The following SLC9C2 variants were observed in gnomAD, a reference collection of about 807,000 sequenced individuals.
SLC9C2 encodes sodium/hydrogen exchanger 11.
In SLC9C2, 75 loss-of-function variants were observed where a neutral mutation model predicts 140.2. The ratio of observed to expected loss-of-function variants is 0.53; its 90% CI spans 0.44 to 0.65. The LOEUF (loss-of-function observed/expected upper bound fraction) is 0.65, where lower values mean the gene tolerates loss of function less well. Ranked by LOEUF, SLC9C2 falls within the 30% of genes least tolerant of loss-of-function variation. The pLI, the probability that SLC9C2 is intolerant of heterozygous loss-of-function variation, is 0.00. For synonymous variants in SLC9C2, 375 were observed against 420.9 expected, an observed-to-expected ratio of 0.89 and a Z score of 1.34; for missense variants, 1,074 against 1,331.8, an observed-to-expected ratio of 0.81 and a Z score of 3.01.
At chr1:173,508,674 G>T (rs144490237) in intron 24 of SLC9C2, among the ~76,000 whole-genome samples, 2 of 152,032 alleles carry the variant, frequency 1.3e-5, no homozygotes, top group African/African-American at 2.4e-5. Context: ...ATACCCAGTC[G>T]CTCAGTTCAG....
chr1:173,569,374 CCTTT>C (rs1165190065), intron 9 of SLC9C2, among the ~76,000 whole-genome samples: 1 of 151,780 alleles, frequency 6.6e-6, no homozygotes, highest in African/African-American at 2.4e-5. Flanking sequence ...CTTTTAGGGT[CCTTT>C]CTTTATCCGT....
rs1427254080 is a variant in SLC9C2 at position 173,534,572 on chromosome 1, C to T, written c.1886G>A (p.Trp629Ter). The stretch of plus-strand genomic sequence containing the variant: ...TACATTTAAACCTCTTGCCATTGGC[C>T]ACAGATGTATTATCATAGGATAAAT... ...IYIYPMIIHL[W>*]PMARGLNVSA... is the part of the protein sequence containing the mutation. The change falls in exon 16 of 28, where the codon TGG (tryptophan) becomes TAG (stop). Residue 629 changes from tryptophan to a stop codon, truncating the protein, a stop_gained. Coordinates refer to ENST00000367714, the MANE Select transcript of SLC9C2 (RefSeq NM_178527.4). LOFTEE classifies it high-confidence loss of function. 6.3e-7 allele frequency: 1 copy of T among 1,597,302 alleles called. No individual in the cohort carries two copies. The highest frequency in any genetic ancestry group is 8.5e-7 in the Non-Finnish European group (1 of 1,173,410).
chr1:173,504,989 G>A (rs1343498694), intron 26 of SLC9C2, among the ~76,000 whole-genome samples: 3 of 152,140 alleles, frequency 2.0e-5, no homozygotes, highest in South Asian at 2.1e-4. Context: ...AGAGTGCATT[G>A]CAGAAGCTGC....
In SLC9C2 at chr1:173,597,819, A is replaced by G. The variant is rs1444874613; in HGVS notation, c.357+85T>C. ...AATAAAATATGACATTTTGTGAATTATTAATCATCTATATAGGCAGCCATA... is the reference window on the plus strand; with the variant it reads ...AATAAAATATGACATTTTGTGAATTGTTAATCATCTATATAGGCAGCCATA... On this transcript the variant is annotated intron_variant, in intron 4 of 27. Transcript: ENST00000367714. 2.3e-6 allele frequency: 3 copies of G among 1,286,426 alleles called. No homozygotes were observed. In the East Asian group the frequency reaches 7.8e-5, roughly 33 times the overall value. The allele number at this position is 1,286,426 out of a possible 1,614,324, so 79.7% of individuals were successfully genotyped here. A position where few individuals can be genotyped will look rare whatever the true frequency, so the allele number is the denominator to read the frequency against.
At chr1:173,585,162 C>T (rs1487648251) in intron 5 of SLC9C2, among the ~76,000 whole-genome samples, 1 of 152,044 alleles carries the variant, frequency 6.6e-6, no homozygotes, top group African/African-American at 2.4e-5. Context: ...GTTATTTAAG[C>T]GCTTACACTC....
At chr1:173,597,732 T>C (rs1164369682) in intron 4 of SLC9C2, among the ~76,000 whole-genome samples, 172 bp downstream of exon 4, 1 of 152,148 alleles carries the variant, frequency 6.6e-6, no homozygotes, top group Non-Finnish European at 1.5e-5. Flanking sequence ...AAATACTAAT[T>C]CCTTTCCTCT....
rs148461788 is a variant in SLC9C2, at chr1:173,559,543, T to A, written c.1047-2035A>T. On this transcript the variant is annotated intron_variant, in intron 9 of 27. Coordinates refer to ENST00000367714, the MANE Select transcript of SLC9C2 (RefSeq NM_178527.4). ...GACCACCACCACCCAGCACTGCAGATCCCTTGAGGTCTGCTGCCACTCCCA... is the reference window on the plus strand; with the variant it reads ...GACCACCACCACCCAGCACTGCAGAACCCTTGAGGTCTGCTGCCACTCCCA... Among the ~76,000 whole-genome samples the A allele has an allele frequency of 4.4e-3, 669 of 152,296 alleles. 6 individuals are homozygous for A. The highest frequency in any genetic ancestry group is 0.015 in the African/African-American group (627 of 41,562).
At chr1:173,561,862 G>C (rs1381026) in intron 9 of SLC9C2, among the ~76,000 whole-genome samples, 32,584 of 121,952 alleles carry the variant, frequency 0.27, 4,205 homozygotes, top group East Asian at 0.62. Context: ...CACAGACACA[G>C]ACACACACAC....
chr1:173,577,484 T>A (rs2102200174), intron 7 of SLC9C2, among the ~76,000 whole-genome samples: 1 of 152,292 alleles, frequency 6.6e-6, no homozygotes, highest in South Asian at 2.1e-4. Flanking sequence ...CCATAAATAC[T>A]CTGCAGTCTT....
At chr1:173,548,108 TAA>T (rs926639951) in intron 12 of SLC9C2, among the ~76,000 whole-genome samples, 1 of 152,212 alleles carries the variant, frequency 6.6e-6, no homozygotes, top group African/African-American at 2.4e-5. Flanking sequence ...CTTAAGCCAT[TAA>T]AAACATTATC....
intron 22 of SLC9C2, among the ~76,000 whole-genome samples, chr1:173,519,365 T>C (rs967255753): frequency 1.3e-5 from 2 of 152,162 alleles, no homozygotes; most frequent in Non-Finnish European, 2.9e-5. Flanking sequence ...GGAAACAGAT[T>C]GTGCCCTTAG....
chr1:173,596,050 G>C (rs569049095), intron 4 of SLC9C2, among the ~76,000 whole-genome samples: 1 of 152,238 alleles, frequency 6.6e-6, no homozygotes, highest in East Asian at 1.9e-4. Flanking sequence ...ACCCCTTGGA[G>C]GCTGGCTTAT....
Position 173,527,382 on chromosome 1 carries a change from C to T in SLC9C2, c.2314-668G>A, listed in dbSNP as rs549031950. ...GCACCAAGGAGAATTCTCATAGCGCCTCATTTGGCAGTGAGCCAAGTGAGC... is the reference window on the plus strand; with the variant it reads ...GCACCAAGGAGAATTCTCATAGCGCTTCATTTGGCAGTGAGCCAAGTGAGC... On this transcript the variant is annotated intron_variant, in intron 18 of 27. Coordinates refer to ENST00000367714, the MANE Select transcript of SLC9C2 (RefSeq NM_178527.4). Among the ~76,000 whole-genome samples the T allele has an allele frequency of 4.6e-5, 7 of 152,262 alleles. No individual in the cohort carries two copies. The South Asian group carries it at 1.5e-3, about 32-fold the overall frequency.
chr1:173,599,187 C>T (rs1322773305), intron 3 of SLC9C2, among the ~76,000 whole-genome samples: 1 of 151,658 alleles, frequency 6.6e-6, no homozygotes, highest in Non-Finnish European at 1.5e-5. Context: ...GGCGAGATCT[C>T]AGCTCACTGC....
chr1:173,539,059 G>A (rs1470201761), intron 13 of SLC9C2, among the ~76,000 whole-genome samples: 2 of 152,148 alleles, frequency 1.3e-5, no homozygotes, highest in East Asian at 3.8e-4. Context: ...AGTTCTACAA[G>A]AAGTTCTAAA....
chr1:173,534,766 AAAATT>A, intron 15 of SLC9C2, 84 bp from the exon 16 acceptor site: 1 of 1,140,546 alleles, frequency 8.8e-7, no homozygotes, highest in Non-Finnish European at 1.2e-6. Flanking sequence ...ACAAATCATT[AAAATT>A]AATTTGAAGA....
At chr1:173,585,193 A>G (rs1665776473) in intron 5 of SLC9C2, among the ~76,000 whole-genome samples, 1 of 152,184 alleles carries the variant, frequency 6.6e-6, no homozygotes, top group Admixed American at 6.5e-5. Context: ...GGTAATGGAT[A>G]GACAATTTCC....
intron 9 of SLC9C2, 131 bp from the exon 10 acceptor site, chr1:173,557,639 T>C: frequency 1.3e-6 from 1 of 796,948 alleles, no homozygotes. Flanking sequence ...CAATTTACTG[T>C]TAAGTCCTTC....
chr1:173,529,955 CT>C lies in SLC9C2; in HGVS notation c.2262del (p.Asp755MetfsTer5), dbSNP rs751540784. 1.2e-6 allele frequency: 2 copies of C among 1,612,642 alleles called. No individual in the cohort carries two copies. Among genetic ancestry groups the C allele is most frequent in the Non-Finnish European group, 8.5e-7 (1 of 1,179,692 alleles). On this transcript the variant is annotated frameshift_variant, in exon 18 of 28. Coordinates refer to ENST00000367714, the MANE Select transcript of SLC9C2 (RefSeq NM_178527.4). LOFTEE classifies it high-confidence loss of function. Reference protein sequence around the residue: ...SITKGYIKSQEDAKLLIKQIA... With the variant: ...SITKGYIKSQXDAKLLIKQIA... ...ATTTGTTTTATTAGAAGTTTGGCATCTTCTTGACTTTTGATATAGCCTTTTG... is the reference window on the plus strand; with the variant it reads ...ATTTGTTTTATTAGAAGTTTGGCATCTCTTGACTTTTGATATAGCCTTTTG...
Sources: gnomAD v4.1 joint callset for allele counts (sites outside exome capture counted in the v4.1 genomes callset) on GRCh38, gnomAD v4.1.1 for gene constraint, MANE v1.5 for transcripts, NCBI Gene and HGNC (gene_info 2026-07-23, HGNC 2026-07-21) for gene names.